LINC00237: variants seen among roughly 807,000 people sequenced by gnomAD.
The protein encoded by LINC00237 is long independently transcribed non-coding RNA 237.
chr20:21,095,573 A>T (rs554019507), intron 1 of LINC00237, among the ~76,000 whole-genome samples: 1 of 152,302 alleles, frequency 6.6e-6, no homozygotes, highest in East Asian at 1.9e-4. Flanking sequence ...GGTATTAGGG[A>T]GCCCTAAATT....
intron 1 of LINC00237, among the ~76,000 whole-genome samples, chr20:21,096,439 A>T (rs902984312): frequency 7.9e-5 from 12 of 152,188 alleles, no homozygotes; most frequent in Non-Finnish European, 1.6e-4. Context: ...GCCACTGGCG[A>T]ATGTTTAGTC....
intron 1 of LINC00237, among the ~76,000 whole-genome samples, chr20:21,099,683 G>C (rs1392043030): frequency 6.6e-6 from 1 of 152,120 alleles, no homozygotes; most frequent in East Asian, 1.9e-4. Context: ...ATAAGGGTTA[G>C]AGTTATTACT....
intron 2 of LINC00237, among the ~76,000 whole-genome samples, chr20:21,092,581 CTTAAATGGCTCATCTTCT>C (rs1310231887): frequency 5.9e-5 from 9 of 152,188 alleles, no homozygotes; most frequent in Admixed American, 2.6e-4. Context: ...TCTGTTATGG[CTTAAATGGCTCATCTTCT>C]TTATGAATCC....
intron 1 of LINC00237, among the ~76,000 whole-genome samples, chr20:21,104,569 G>T (rs926966479): frequency 6.6e-6 from 1 of 152,236 alleles, no homozygotes; most frequent in Non-Finnish European, 1.5e-5. Context: ...GTCTGCAGCC[G>T]CTGGGGGCCC....
At chr20:21,100,387 G>C (rs2030915029) in intron 1 of LINC00237, among the ~76,000 whole-genome samples, 1 of 152,256 alleles carries the variant, frequency 6.6e-6, no homozygotes, top group Admixed American at 6.5e-5. Context: ...CGCGAGCCCA[G>C]CGTTAGCCCG....
At chr20:21,090,877 T>G (rs1400182240) in intron 2 of LINC00237, among the ~76,000 whole-genome samples, 2 of 152,214 alleles carry the variant, frequency 1.3e-5, no homozygotes, top group Non-Finnish European at 2.9e-5. Context: ...CGGAGATGCA[T>G]GACTACACTC....
intron 3 of LINC00237, among the ~76,000 whole-genome samples, chr20:21,087,046 A>G (rs1277175955): frequency 6.8e-6 from 1 of 147,562 alleles, no homozygotes; most frequent in Non-Finnish European, 1.5e-5. Context: ...TAGAGTACAT[A>G]TATAGTATAC....
chr20:21,087,592 T>C (rs981383806), intron 3 of LINC00237: 24 of 152,114 alleles, frequency 1.6e-4, no homozygotes, highest in African/African-American at 4.6e-4. Context: ...AAATGAAACA[T>C]TGTTGTTCAC....
At chr20:21,100,752 T>C (rs1321806792) in intron 1 of LINC00237, among the ~76,000 whole-genome samples, 1 of 152,346 alleles carries the variant, frequency 6.6e-6, no homozygotes, top group East Asian at 1.9e-4. Flanking sequence ...CACCAGGGCT[T>C]TGTCTGAGCT....
chr20:21,085,686 T>G (rs569408402), exon 4 of LINC00237, among the ~76,000 whole-genome samples: 126 of 152,260 alleles, frequency 8.3e-4, no homozygotes, highest in Non-Finnish European at 1.3e-3. Context: ...AAGGGGACAT[T>G]TGGGGGGCTT....
chr20:21,091,691 T>C (rs1368466634), intron 2 of LINC00237, among the ~76,000 whole-genome samples: 2 of 152,228 alleles, frequency 1.3e-5, no homozygotes, highest in South Asian at 4.1e-4. Flanking sequence ...TTACATTTCC[T>C]GTTGCCATCA....
At chr20:21,104,655 A>G (rs537991359) in intron 1 of LINC00237, among the ~76,000 whole-genome samples, 4 of 152,136 alleles carry the variant, frequency 2.6e-5, no homozygotes, top group African/African-American at 7.2e-5. Context: ...TTTTTTTCCT[A>G]AGAAGGGTTT....
chr20:21,086,276 T>C (rs2030692015), intron 3 of LINC00237, among the ~76,000 whole-genome samples: 4 of 152,114 alleles, frequency 2.6e-5, no homozygotes, highest in African/African-American at 7.2e-5. Flanking sequence ...GAGAGATCTA[T>C]AGAGAACTGC....
chr20:21,085,579 A>C (rs557863914), exon 4 of LINC00237, among the ~76,000 whole-genome samples: 59 of 152,304 alleles, frequency 3.9e-4, no homozygotes, highest in African/African-American at 1.4e-3. Context: ...AAAAGAGTAC[A>C]TGTTGTATGA....
At chr20:21,096,978 A>C (rs1371089830) in intron 1 of LINC00237, among the ~76,000 whole-genome samples, 1 of 152,162 alleles carries the variant, frequency 6.6e-6, no homozygotes, top group Admixed American at 6.5e-5. Context: ...AAACCACACA[A>C]ATCAACAATG....
chr20:21,103,244 C>T (rs2122184917), intron 1 of LINC00237, among the ~76,000 whole-genome samples: 1 of 152,362 alleles, frequency 6.6e-6, no homozygotes, highest in South Asian at 2.1e-4. Context: ...CACGAAAGCG[C>T]CTTGTGGCTC....
At chr20:21,089,986 G>T (rs527918822) in intron 2 of LINC00237, 2 of 152,190 alleles carry the variant, frequency 1.3e-5, no homozygotes, top group Non-Finnish European at 2.9e-5. Flanking sequence ...CAGTCAAAGT[G>T]CAGCTTCAGT....
chr20:21,098,789 A>G (rs953984632), intron 1 of LINC00237, among the ~76,000 whole-genome samples: 3 of 152,382 alleles, frequency 2.0e-5, no homozygotes, highest in Middle Eastern at 3.4e-3. Flanking sequence ...ACATCCTATT[A>G]TATTGCAGAG....
chr20:21,086,656 T>TAC (rs1568883441), intron 3 of LINC00237, among the ~76,000 whole-genome samples: 2 of 112,232 alleles, frequency 1.8e-5, no homozygotes, highest in South Asian at 5.1e-4. Context: ...ATACTATATA[T>TAC]GTATAGTATA....
Sources: gnomAD v4.1 joint callset for allele counts (sites outside exome capture counted in the v4.1 genomes callset) on GRCh38, gnomAD v4.1.1 for gene constraint, MANE v1.5 for transcripts, NCBI Gene and HGNC (gene_info 2026-07-23, HGNC 2026-07-21) for gene names.